LATS1: variants seen among roughly 807,000 people sequenced by gnomAD.
The protein encoded by LATS1 is serine/threonine-protein kinase LATS1.
A neutral mutation model predicts 106.6 loss-of-function variants in LATS1; 25 were observed. The ratio of observed to expected loss-of-function variants is 0.23; its 90% CI spans 0.17 to 0.33. The LOEUF (loss-of-function observed/expected upper bound fraction) is 0.33. LATS1 is among the 10% of genes least tolerant of loss of function. The pLI is 1.00. For missense variants in LATS1, 1,040 were observed against 1,382.6 expected (o/e 0.75, Z 3.93); for synonymous variants, 465 against 455.6 (o/e 1.02, Z -0.26).
In LATS1 at chr6:149,680,238, G is replaced by A; in HGVS notation, c.2230C>T (p.Arg744Ter). ...KTLRKKDVLL[R>*]NQVAHVKAER... ...GCCTTAACATGAGCGACTTGATTTC[G>A]AAGAAGAACATCTTTCTTTCGAAGA... is the stretch of plus-strand genomic sequence containing the variant. Residue 744 changes from arginine (R) to a stop codon, truncating the protein, a stop_gained, in exon 5 of 8, where the codon CGA (arginine) becomes TGA (stop). Transcript: ENST00000543571. LOFTEE classifies it high-confidence loss of function. The A allele has an allele frequency of 1.9e-6, 3 of 1,613,926 alleles. No individual in the cohort carries two copies. Among genetic ancestry groups the A allele is most frequent in the Non-Finnish European group, 2.5e-6 (3 of 1,179,950 alleles).
chr6:149,691,624 C>T lies in LATS1; in HGVS notation c.496+3450G>A, dbSNP rs144101983. ...TGGTTTTCTTCCTTTTCACCTATTT[C>T]TTCTCTGTCCCCTTTGCAGGTTTAC... On this transcript the variant is annotated intron_variant, in intron 3 of 7. Coordinates refer to ENST00000543571, the MANE Select transcript of LATS1 (RefSeq NM_004690.4). Among the ~76,000 whole-genome samples the T allele has an allele frequency of 1.9e-3, 296 of 152,194 alleles. 1 individual carries two copies. Among genetic ancestry groups the T allele is most frequent in the African/African-American group, 6.8e-3 (283 of 41,514 alleles).
rs764556827 is a variant in LATS1, at chr6:149,684,119, G to C, written c.970C>G (p.Pro324Ala). The change falls in exon 4 of 8, where the codon CCT (proline) becomes GCT (alanine). Residue 324 changes from proline to alanine, a missense_variant. Pro to Ala is a conservative substitution (Grantham distance 27). Around this residue, in one of 7 missense-constraint regions of LATS1, gnomAD observed 624 missense variants for 714.8 expected, o/e 0.87. Transcript: ENST00000543571. Reference protein sequence around the residue: ...NQGQRGISSVPVGRQPIIMQS... With the variant: ...NQGQRGISSVAVGRQPIIMQS... ...ATGATGATTGGTTGTCTGCCAACAG[G>C]AACAGAACTAATGCCTCTCTGTCCT... 1.9e-6 allele frequency: 3 copies of C among 1,614,062 alleles called. No individual in the cohort carries two copies. The highest frequency in any genetic ancestry group is 2.7e-5 in the African/African-American group (2 of 74,934).
intron 2 of LATS1, among the ~76,000 whole-genome samples, chr6:149,698,374 T>G (rs1284493658): frequency 6.6e-6 from 1 of 151,130 alleles, no homozygotes; most frequent in Non-Finnish European, 1.5e-5. Context: ...TCCTAAGTGG[T>G]TGGGGACTAC....
rs1780899927 is a variant in LATS1, at chr6:149,661,852, T to A, written c.3270A>T (p.Pro1090=). 6.2e-7 allele frequency: 1 copy of A among 1,613,974 alleles called. No individual in the cohort carries two copies. The highest frequency in any genetic ancestry group is 8.5e-7 in the Non-Finnish European group (1 of 1,179,984). Residue 1090 remains proline, a synonymous_variant, in exon 8 of 8, where the codon CCA becomes CCT. Coordinates refer to ENST00000543571, the MANE Select transcript of LATS1 (RefSeq NM_004690.4). ...FRRFFDDNGY[P]YNYPKPIEYE... Reference sequence around the variant, plus strand: ...ATTCAATAGGCTTCGGATAATTATATGGGTAGCCATTGTCATCAAAAAACC... The same window carrying A: ...ATTCAATAGGCTTCGGATAATTATAAGGGTAGCCATTGTCATCAAAAAACC...
rs565223328 is a variant in LATS1 at position 149,675,871 on chromosome 6, A to G, written c.2883+389T>C. 3.8e-4 allele frequency: 63 copies of G among 165,870 alleles called. 1 individual carries two copies. The South Asian group carries it at 9.6e-3, about 25-fold the overall frequency. 10.3% of individuals were successfully genotyped at this position (165,870 alleles called of 1,614,324 possible). Reference sequence around the variant, plus strand: ...CGTGCCTGGCCTAAAGACCTTTTTGAGAATGATATATGATATATGAGTATG... The same window carrying G: ...CGTGCCTGGCCTAAAGACCTTTTTGGGAATGATATATGATATATGAGTATG... On this transcript the variant is annotated intron_variant, in intron 7 of 7. Transcript: ENST00000543571.
At chr6:149,666,927 G>C (rs1431682193) in intron 7 of LATS1, among the ~76,000 whole-genome samples, 1 of 140,408 alleles carries the variant, frequency 7.1e-6, no homozygotes, top group East Asian at 2.1e-4. Flanking sequence ...CTGGGCAACA[G>C]AGTGAGACTC....
chr6:149,687,967 C>T (rs184464208), intron 3 of LATS1, among the ~76,000 whole-genome samples: 1 of 151,652 alleles, frequency 6.6e-6, no homozygotes, highest in Non-Finnish European at 1.5e-5. Flanking sequence ...CTCCGCCTCC[C>T]GGGTTCACGC....
At chr6:149,695,295 T>G in intron 2 of LATS1, 74 bp from the exon 3 acceptor site, 1 of 886,226 alleles carries the variant, frequency 1.1e-6, no homozygotes, top group South Asian at 1.8e-5. Context: ...AAGAACACTA[T>G]GAGTTCCACT....
At chr6:149,668,890 C>A (rs1781302210) in intron 7 of LATS1, among the ~76,000 whole-genome samples, 1 of 151,306 alleles carries the variant, frequency 6.6e-6, no homozygotes, top group African/African-American at 2.4e-5. Flanking sequence ...GCAGCCTTGA[C>A]CTCCTGGACT....
In LATS1 at chr6:149,702,153, C is replaced by G. The variant is rs375799812; in HGVS notation, c.-27G>C. On this transcript the variant is annotated 5_prime_UTR_variant, in exon 2 of 8. Transcript: ENST00000543571. Reference sequence around the variant, plus strand: ...AAAACATCTATATATGTAGCCCACACGAAGGACTTCTTTATTTGATAGATC... The same window carrying G: ...AAAACATCTATATATGTAGCCCACAGGAAGGACTTCTTTATTTGATAGATC... 11 of 1,431,832 alleles carry G rather than the reference C, an allele frequency of 7.7e-6. No individual in the cohort carries two copies. Among genetic ancestry groups the G allele is most frequent in the Admixed American group, 2.1e-5 (1 of 48,358 alleles). 88.7% of individuals were successfully genotyped at this position (1,431,832 alleles called of 1,614,324 possible). A position where few individuals can be genotyped will look rare whatever the true frequency, so the allele number is the denominator to read the frequency against.
chr6:149,695,311 A>T (rs747338372), intron 2 of LATS1, 90 bp from the exon 3 acceptor site: 32 of 768,138 alleles, frequency 4.2e-5, no homozygotes, highest in Non-Finnish European at 6.3e-5. Context: ...CCACTAGAGA[A>T]ATCCATAATT....
At chr6:149,676,135 A>G (rs1490095377) in intron 7 of LATS1, 125 bp downstream of exon 7, 1 of 675,008 alleles carries the variant, frequency 1.5e-6, no homozygotes, top group Non-Finnish European at 2.7e-6. Flanking sequence ...TATGGGTGTG[A>G]GCCACTGCAC....
intron 7 of LATS1, among the ~76,000 whole-genome samples, chr6:149,672,593 T>C (rs561631071): frequency 6.6e-6 from 1 of 152,110 alleles, no homozygotes; most frequent in East Asian, 1.9e-4. Flanking sequence ...AGAGGAGCTA[T>C]TGTGAATGGT....
intron 7 of LATS1, among the ~76,000 whole-genome samples, chr6:149,672,384 A>G (rs1781489051): frequency 6.8e-6 from 1 of 147,180 alleles, no homozygotes; most frequent in Non-Finnish European, 1.5e-5. Context: ...CTAATTTTTT[A>G]TTTTTAGTAG....
In LATS1 at chr6:149,697,367, C is replaced by T. The variant is rs540448371; in HGVS notation, c.349-2146G>A. On this transcript the variant is annotated intron_variant, in intron 2 of 7. Coordinates refer to ENST00000543571, the MANE Select transcript of LATS1 (RefSeq NM_004690.4). ...CCTTATCTAGGTACTGGTCCTTCCTCGACCCCGTTTCCTAGGCAACAGATA... is the reference window on the plus strand; with the variant it reads ...CCTTATCTAGGTACTGGTCCTTCCTTGACCCCGTTTCCTAGGCAACAGATA... Among the ~76,000 whole-genome samples the T allele has an allele frequency of 2.6e-5, 4 of 152,230 alleles. No individual in the cohort carries two copies. In the South Asian group the frequency reaches 8.3e-4, roughly 32 times the overall value.
intron 7 of LATS1, among the ~76,000 whole-genome samples, chr6:149,664,328 A>C (rs1781031966): frequency 8.1e-6 from 1 of 123,664 alleles, no homozygotes; most frequent in African/African-American, 3.4e-5. Flanking sequence ...TAATCATTAG[A>C]GTCTCAAAAG....
In LATS1 at chr6:149,661,611, T is replaced by C; in HGVS notation, c.*118A>G. The C allele has an allele frequency of 4.1e-6, 3 of 739,060 alleles. No individual in the cohort carries two copies. The highest frequency in any genetic ancestry group is 6.3e-6 in the Non-Finnish European group (3 of 474,058). The allele number at this position is 739,060 out of a possible 1,614,324, so 45.8% of individuals were successfully genotyped here. On this transcript the variant is annotated 3_prime_UTR_variant, in exon 8 of 8. Transcript: ENST00000543571. ...CATAATTTAGGAAAATAAAATATTG[T>C]ACACAGAGCACACATATATAGCTCT...
intron 7 of LATS1, among the ~76,000 whole-genome samples, chr6:149,671,832 C>T (rs1025247905): frequency 1.3e-5 from 2 of 151,920 alleles, no homozygotes; most frequent in African/African-American, 4.8e-5. Flanking sequence ...AGCTTTACTA[C>T]ATTAACTCTT....
chr6:149,698,946 G>A (rs1783279095), intron 2 of LATS1, among the ~76,000 whole-genome samples: 1 of 151,904 alleles, frequency 6.6e-6, no homozygotes, highest in South Asian at 2.1e-4. Context: ...CCCAGTGATT[G>A]TATTATGTGC....
Sources: gnomAD v4.1 joint callset for allele counts (sites outside exome capture counted in the v4.1 genomes callset) on GRCh38, gnomAD v4.1.1 for gene constraint, gnomAD v4.1.1 regional missense constraint, MANE v1.5 for transcripts, NCBI Gene and HGNC (gene_info 2026-07-23, HGNC 2026-07-21) for gene names.